The following RRBP1 variants were observed in gnomAD, a reference collection of about 807,000 sequenced individuals.
RRBP1 encodes ribosome binding protein 1.
In RRBP1, 94 loss-of-function variants were observed where a neutral mutation model predicts 165.2. That is an observed-to-expected ratio of 0.57 (90% CI 0.48 to 0.68). RRBP1 has a LOEUF of 0.68. Among genes scored for constraint, RRBP1 ranks in the 30% least tolerant of loss-of-function variants. RRBP1 has a pLI of 0.00. For missense variants in RRBP1, 1,676 were observed against 1,763.0 expected, an observed-to-expected ratio of 0.95 and a Z score of 0.88; for synonymous variants, 680 against 714.5, an observed-to-expected ratio of 0.95 and a Z score of 0.77.
At chr20:17,651,671 C>CG (rs1168856052) in intron 3 of RRBP1, among the ~76,000 whole-genome samples, 1 of 152,158 alleles carries the variant, frequency 6.6e-6, no homozygotes, top group African/African-American at 2.4e-5. Flanking sequence ...CCCCGGGAAG[C>CG]GGATGGTGAT....
At chr20:17,632,536 T>G (rs1388659741) in intron 8 of RRBP1, among the ~76,000 whole-genome samples, 1 of 152,236 alleles carries the variant, frequency 6.6e-6, no homozygotes, top group African/African-American at 2.4e-5. Flanking sequence ...TCTCTTTTAG[T>G]CCTTGCACAC....
intron 10 of RRBP1, 40 bp from the exon 11 acceptor site, chr20:17,627,422 T>C (rs770644806): frequency 6.2e-7 from 1 of 1,612,940 alleles, no homozygotes; most frequent in Non-Finnish European, 8.5e-7. Context: ...TCCAGGAGAC[T>C]CATCTCACGC....
At chr20:17,616,677 G>A (rs2035806930) in intron 21 of RRBP1, 55 bp downstream of exon 21, 1 of 1,220,312 alleles carries the variant, frequency 8.2e-7, no homozygotes. Context: ...AGGCAGCAGG[G>A]CCTGCACTCT....
chr20:17,629,917 G>A lies in RRBP1; in HGVS notation c.2655C>T (p.Asp885=), dbSNP rs373604252. The A allele has an allele frequency of 4.4e-5, 71 of 1,599,874 alleles. No individual in the cohort carries two copies. The highest frequency in any genetic ancestry group is 1.6e-4 in the Middle Eastern group (1 of 6,076). Residue 885 remains aspartate, a synonymous_variant, in exon 9 of 25, where the codon GAC becomes GAT. Coordinates refer to ENST00000377813, the MANE Select transcript of RRBP1 (RefSeq NM_001365613.2). Reference sequence around the variant, plus strand: ...TGTGGCACAGCTCCCGGCTGACCTCGTCCAGGCGCTTCTGCAGGGCCTCCT... The same window carrying A: ...TGTGGCACAGCTCCCGGCTGACCTCATCCAGGCGCTTCTGCAGGGCCTCCT... ...ESEEALQKRL[D]EVSRELCHTQ...
intron 2 of RRBP1, among the ~76,000 whole-genome samples, chr20:17,663,875 G>C (rs1336899418): frequency 1.3e-5 from 2 of 152,172 alleles, no homozygotes; most frequent in Non-Finnish European, 2.9e-5. Context: ...TGTAGGGTCT[G>C]ACCACAGGGA....
At position 17,658,631 on chromosome 20, in the gene RRBP1, T is replaced by C. The variant is rs148302482; in HGVS notation, c.1877A>G (p.Lys626Arg). 2 of 1,607,406 alleles carry C rather than the reference T, an allele frequency of 1.2e-6. No homozygotes were observed. The highest frequency in any genetic ancestry group is 2.2e-5 in the South Asian group (2 of 90,236). Reference protein sequence around the residue: ...PEAPKQEAPAKKKSGSKKKGE... With the variant: ...PEAPKQEAPARKKSGSKKKGE... ...TTTTTTCTTTGAACCAGACTTCTTC[T>C]TGGCAGGAGCCTCTTGCTTTGGTGC... Residue 626 changes from lysine to arginine, a missense_variant, in exon 3 of 25, where the codon AAG (lysine) becomes AGG (arginine). Physicochemically the swap from Lys to Arg is conservative, Grantham distance 26 (BLOSUM62 2). Around this residue, in one of 5 missense-constraint regions of RRBP1, gnomAD observed 1,184 missense variants for 1,167.1 expected, o/e 1.01. Coordinates refer to ENST00000377813, the MANE Select transcript of RRBP1 (RefSeq NM_001365613.2).
intron 8 of RRBP1, among the ~76,000 whole-genome samples, chr20:17,632,108 C>A (rs557169854): frequency 6.6e-6 from 1 of 152,236 alleles, no homozygotes; most frequent in East Asian, 1.9e-4. Context: ...AAATAACTTG[C>A]TAGGAAGTGG....
chr20:17,616,500 T>C (rs2035802565), intron 21 of RRBP1, among the ~76,000 whole-genome samples: 1 of 152,108 alleles, frequency 6.6e-6, no homozygotes, highest in Non-Finnish European at 1.5e-5. Flanking sequence ...GGACTCCCTC[T>C]TCGAGTCCCA....
chr20:17,648,395 CACAA>C (rs1316079154), intron 3 of RRBP1, among the ~76,000 whole-genome samples: 1 of 152,234 alleles, frequency 6.6e-6, no homozygotes, highest in African/African-American at 2.4e-5. Flanking sequence ...CTGGGCAGTG[CACAA>C]ACAGTGGACT....
intron 2 of RRBP1, among the ~76,000 whole-genome samples, chr20:17,673,413 T>G (rs914639054): frequency 6.6e-6 from 1 of 152,066 alleles, no homozygotes; most frequent in Admixed American, 6.5e-5. Context: ...AAGTCTTTCT[T>G]TTTTCTTTTT....
chr20:17,627,274 C>A, intron 11 of RRBP1, 74 bp downstream of exon 11: 1 of 1,523,026 alleles, frequency 6.6e-7, no homozygotes, highest in Non-Finnish European at 9.0e-7. Flanking sequence ...CTCCTGAAAA[C>A]CCTGGCCCCC....
chr20:17,641,303 G>A lies in RRBP1; in HGVS notation c.2184+494C>T, dbSNP rs537260253. On this transcript the variant is annotated intron_variant, in intron 5 of 24. Transcript: ENST00000377813. ...CGCCATCCGCTGATACGGGGAGCCAGGGTTTCCCTGCACATCCCTCCTCTG... is the reference window on the plus strand; with the variant it reads ...CGCCATCCGCTGATACGGGGAGCCAAGGTTTCCCTGCACATCCCTCCTCTG... 4.8e-5 allele frequency: 8 copies of A among 167,022 alleles called. 1 individual carries two copies. The South Asian group carries it at 1.1e-3, about 23-fold the overall frequency. The allele number at this position is 167,022 out of a possible 1,614,324, so 10.3% of individuals were successfully genotyped here.
chr20:17,618,756 G>GA (rs1673756969), intron 19 of RRBP1, 77 bp from the exon 20 acceptor site: 1 of 1,152,750 alleles, frequency 8.7e-7, no homozygotes, highest in Non-Finnish European at 1.3e-6. Flanking sequence ...AGTTAGCGCC[G>GA]AAACATAAAA....
chr20:17,625,681 G>A, intron 11 of RRBP1, 79 bp from the exon 12 acceptor site: 1 of 1,201,922 alleles, frequency 8.3e-7, no homozygotes, highest in Non-Finnish European at 1.2e-6. Context: ...GCCCCATCCA[G>A]GGAGGAGTAC....
chr20:17,641,406 T>A, intron 5 of RRBP1: 2 of 219,420 alleles, frequency 9.1e-6, no homozygotes, highest in South Asian at 1.5e-4. Context: ...GAAAACAACC[T>A]TGAATCTACT....
intron 11 of RRBP1, among the ~76,000 whole-genome samples, chr20:17,626,470 C>T (rs2036022785): frequency 6.6e-6 from 1 of 152,206 alleles, no homozygotes; most frequent in Non-Finnish European, 1.5e-5. Flanking sequence ...GGAACATGGG[C>T]TGTGGCCTGG....
At chr20:17,654,145 T>A (rs1056297087) in intron 3 of RRBP1, among the ~76,000 whole-genome samples, 1 of 152,102 alleles carries the variant, frequency 6.6e-6, no homozygotes, top group Non-Finnish European at 1.5e-5. Flanking sequence ...CCACGTAACA[T>A]AGACTCGACC....
intron 2 of RRBP1, among the ~76,000 whole-genome samples, chr20:17,665,460 C>T (rs2036852068): frequency 1.3e-5 from 2 of 152,188 alleles, no homozygotes; most frequent in Admixed American, 1.3e-4. Context: ...CAACCTCTGC[C>T]TCTCAGGTTC....
At chr20:17,668,713 G>C (rs2036916415) in intron 2 of RRBP1, among the ~76,000 whole-genome samples, 1 of 152,348 alleles carries the variant, frequency 6.6e-6, no homozygotes, top group Non-Finnish European at 1.5e-5. Flanking sequence ...GTGGATGTGA[G>C]AGAAGGCTCA....
Sources: allele counts gnomAD v4.1 joint callset (sites outside exome capture counted in the v4.1 genomes callset), GRCh38; gene constraint gnomAD v4.1.1; regional missense constraint gnomAD v4.1.1; transcripts MANE v1.5; gene names NCBI Gene and HGNC (gene_info 2026-07-23, HGNC 2026-07-21).